Variants in MEGF11 observed in about 807,000 individuals in gnomAD.
MEGF11 encodes multiple epidermal growth factor-like domains protein 11.
MEGF11 carries 126 observed loss-of-function variants against 146.6 expected under a neutral mutation model. That is an observed-to-expected ratio of 0.86 (90% confidence interval 0.74 to 1.00). The LOEUF is 1.00. Among genes scored for constraint, MEGF11 ranks in the 50% least tolerant of loss-of-function variants. MEGF11 has a pLI of 0.00. For synonymous variants in MEGF11, 532 were observed against 583.4 expected (o/e 0.91, Z 1.27); for missense variants, 1,509 against 1,521.2 (o/e 0.99, Z 0.13).
intron 24 of MEGF11, among the ~76,000 whole-genome samples, chr15:65,903,920 T>C (rs950780839): frequency 5.3e-5 from 8 of 152,226 alleles, no homozygotes; most frequent in African/African-American, 1.9e-4. Flanking sequence ...TACATAGCTC[T>C]CTTTTCTTTT....
chr15:66,125,120 A>T (rs1382503369), intron 2 of MEGF11, among the ~76,000 whole-genome samples: 1 of 152,196 alleles, frequency 6.6e-6, no homozygotes, highest in East Asian at 1.9e-4. Flanking sequence ...AAGGTCTGGC[A>T]TCCAGAAGGA....
chr15:66,228,592 A>G (rs1403849766), intron 1 of MEGF11, among the ~76,000 whole-genome samples: 1 of 152,002 alleles, frequency 6.6e-6, no homozygotes, highest in Non-Finnish European at 1.5e-5. Flanking sequence ...CAGAGAGAAG[A>G]TGGCTCCCCA....
intron 5 of MEGF11, among the ~76,000 whole-genome samples, chr15:66,016,883 C>T (rs989505721): frequency 2.0e-5 from 3 of 152,170 alleles, no homozygotes; most frequent in Non-Finnish European, 4.4e-5. Flanking sequence ...GAAGTTTTCC[C>T]AAAGGTGGCC....
intron 5 of MEGF11, among the ~76,000 whole-genome samples, chr15:66,073,159 G>T (rs140852893): frequency 1.3e-5 from 2 of 152,156 alleles, no homozygotes; most frequent in African/African-American, 2.4e-5. Flanking sequence ...CCTCCGCCTC[G>T]CCAGCCTGAG....
chr15:65,969,358 T>C (rs2081225024), intron 8 of MEGF11, among the ~76,000 whole-genome samples: 1 of 152,160 alleles, frequency 6.6e-6, no homozygotes, highest in East Asian at 1.9e-4. Context: ...ATTTCCTTAT[T>C]TGGGGAGATG....
intron 21 of MEGF11, among the ~76,000 whole-genome samples, chr15:65,911,086 TGACTATAAGAG>T (rs1045489506): frequency 2.3e-5 from 3 of 133,332 alleles, no homozygotes; most frequent in Non-Finnish European, 5.4e-5. Flanking sequence ...AAGGGCCTGT[TGACTATAAGAG>T]GACATCTTGC....
chr15:66,116,758 G>C (rs559804534), intron 4 of MEGF11, among the ~76,000 whole-genome samples: 1 of 152,170 alleles, frequency 6.6e-6, no homozygotes, highest in African/African-American at 2.4e-5. Flanking sequence ...CTCAAACAAT[G>C]TGGAGCACCA....
chr15:66,169,539 T>C (rs958916537), intron 1 of MEGF11, among the ~76,000 whole-genome samples: 2 of 152,272 alleles, frequency 1.3e-5, no homozygotes, highest in Non-Finnish European at 2.9e-5. Context: ...TGAACCCGCA[T>C]ACTTGCTGGC....
intron 4 of MEGF11, among the ~76,000 whole-genome samples, chr15:66,094,732 C>G (rs2086467057): frequency 6.6e-6 from 1 of 152,166 alleles, no homozygotes; most frequent in South Asian, 2.1e-4. Context: ...GAAACCCAAG[C>G]TGGAGAAGCG....
intron 16 of MEGF11, 48 bp downstream of exon 16, chr15:65,917,918 T>G: frequency 6.2e-7 from 1 of 1,611,482 alleles, no homozygotes; most frequent in Non-Finnish European, 8.5e-7. Flanking sequence ...AGGGAGAATT[T>G]TTGGGCCTGA....
intron 5 of MEGF11, among the ~76,000 whole-genome samples, chr15:66,002,860 G>T (rs565803780): frequency 5.3e-5 from 8 of 152,230 alleles, no homozygotes; most frequent in Admixed American, 4.6e-4. Context: ...AGCTAGTCCA[G>T]TTCTCCCTTT....
intron 1 of MEGF11, among the ~76,000 whole-genome samples, chr15:66,239,103 C>G (rs575762782): frequency 6.6e-6 from 1 of 152,300 alleles, no homozygotes; most frequent in African/African-American, 2.4e-5. Flanking sequence ...AACCCAGGCA[C>G]TCTGGTCTCT....
intron 1 of MEGF11, among the ~76,000 whole-genome samples, chr15:66,209,322 C>G (rs1447450802): frequency 1.3e-5 from 2 of 151,936 alleles, no homozygotes; most frequent in Non-Finnish European, 2.9e-5. Flanking sequence ...TGCACTCCAG[C>G]CTGGGCGACG....
chr15:66,083,196 C>T lies in MEGF11; in HGVS notation c.394+11206G>A, dbSNP rs1158683167. On this transcript the variant is annotated intron_variant, in intron 5 of 25. Transcript: ENST00000395614. ...TAGGTTTTGGGGCTATACCACCAGG[C>T]CTCCCCAGGAGCACAATCATTTCTG... Among the ~76,000 whole-genome samples the T allele has an allele frequency of 2.0e-5, 3 of 152,190 alleles. No individual in the cohort carries two copies. The South Asian group carries it at 6.2e-4, about 32-fold the overall frequency.
rs1226937489 is a variant in MEGF11 at position 65,916,256 on chromosome 15, C to T, written c.2236G>A (p.Gly746Arg). 2 of 1,556,720 alleles carry T rather than the reference C, an allele frequency of 1.3e-6. No individual in the cohort carries two copies. The highest frequency in any genetic ancestry group is 2.7e-5 in the African/African-American group (2 of 73,324). ...CTQRCPAAFF[G>R]KDCGRVCQCQ... is the part of the protein sequence containing the mutation. ...TGGCATACGCGCCCACAGTCCTTCCCAAAAAATGCTGCTGGGCAGCCTAGA... is the reference window on the plus strand; with the variant it reads ...TGGCATACGCGCCCACAGTCCTTCCTAAAAAATGCTGCTGGGCAGCCTAGA... The change falls in exon 18 of 26, where the codon GGG becomes AGG. Residue 746 changes from glycine (G) to arginine (R), a missense_variant. Gly to Arg is a moderately radical substitution (Grantham distance 125). Coordinates refer to ENST00000395614, the MANE Select transcript of MEGF11 (RefSeq NM_001385028.1).
At chr15:66,085,259 A>G (rs1462062115) in intron 5 of MEGF11, among the ~76,000 whole-genome samples, 1 of 152,186 alleles carries the variant, frequency 6.6e-6, no homozygotes, top group Non-Finnish European at 1.5e-5. Context: ...AGCAGAAGAC[A>G]AAGGGCATAT....
At chr15:66,021,701 C>G (rs761868952) in intron 5 of MEGF11, among the ~76,000 whole-genome samples, 1 of 152,160 alleles carries the variant, frequency 6.6e-6, no homozygotes, top group Non-Finnish European at 1.5e-5. Context: ...ATACCCCTGC[C>G]CTTCCATGCT....
intron 1 of MEGF11, among the ~76,000 whole-genome samples, chr15:66,182,638 A>G (rs969301162): frequency 6.6e-6 from 1 of 152,154 alleles, no homozygotes; most frequent in Non-Finnish European, 1.5e-5. Flanking sequence ...GGTCTCAGGG[A>G]CTCTGACTAT....
intron 5 of MEGF11, among the ~76,000 whole-genome samples, chr15:65,986,871 C>G (rs992501937): frequency 4.1e-5 from 6 of 146,344 alleles, no homozygotes; most frequent in Non-Finnish European, 5.9e-5. Flanking sequence ...AAACTCGGCT[C>G]ACTGCAACCT....
Sources: gnomAD v4.1 joint callset for allele counts (sites outside exome capture counted in the v4.1 genomes callset) on GRCh38, gnomAD v4.1.1 for gene constraint, MANE v1.5 for transcripts, NCBI Gene and HGNC (gene_info 2026-07-23, HGNC 2026-07-21) for gene names.